Variants in THADA observed in about 807,000 individuals in gnomAD.
THADA encodes the protein THADA armadillo repeat containing.
A neutral mutation model predicts 219.8 loss-of-function variants in THADA; 213 were observed. That is an observed-to-expected ratio of 0.97 (90% CI 0.87 to 1.09). The LOEUF is 1.09. Ranked by LOEUF, THADA falls within the 50% of genes least tolerant of loss-of-function variation. THADA has a pLI of 0.00. For synonymous variants in THADA, 1,018 were observed against 828.9 expected, an observed-to-expected ratio of 1.23 and a Z score of -3.92; for missense variants, 2,956 against 2,311.3, an observed-to-expected ratio of 1.28 and a Z score of -5.72.
intron 25 of THADA, among the ~76,000 whole-genome samples, chr2:43,493,356 G>C (rs1042830752): frequency 2.6e-5 from 4 of 152,080 alleles, no homozygotes; most frequent in Non-Finnish European, 5.9e-5. Flanking sequence ...TTAGCTGGGC[G>C]TGGTAGCATG....
chr2:43,319,179 A>C (rs1338430679), intron 31 of THADA, among the ~76,000 whole-genome samples: 1 of 152,102 alleles, frequency 6.6e-6, no homozygotes, highest in Non-Finnish European at 1.5e-5. Flanking sequence ...TAAACTTTAG[A>C]CTCCAGTTGA....
chr2:43,533,769 T>A (rs992797284), intron 21 of THADA, among the ~76,000 whole-genome samples: 1 of 152,032 alleles, frequency 6.6e-6, no homozygotes. Flanking sequence ...AGGGAGAGCA[T>A]TAGGACAAAT....
chr2:43,250,611 T>C (rs1669716221), intron 36 of THADA, among the ~76,000 whole-genome samples: 1 of 152,108 alleles, frequency 6.6e-6, no homozygotes, highest in East Asian at 1.9e-4. Flanking sequence ...ACACCCGTAA[T>C]CCCAAAACTT....
intron 36 of THADA, among the ~76,000 whole-genome samples, chr2:43,258,251 G>A (rs1670544759): frequency 6.6e-6 from 1 of 152,192 alleles, no homozygotes; most frequent in Non-Finnish European, 1.5e-5. Context: ...GGCCAGGTGC[G>A]GTGGCTCATG....
chr2:43,359,603 C>T (rs569041707), intron 29 of THADA, among the ~76,000 whole-genome samples: 1 of 152,312 alleles, frequency 6.6e-6, no homozygotes, highest in East Asian at 1.9e-4. Context: ...TTGCTTGAAC[C>T]TGGGAGGCGG....
At chr2:43,470,806 C>G (rs1237700959) in intron 26 of THADA, among the ~76,000 whole-genome samples, 1 of 152,178 alleles carries the variant, frequency 6.6e-6, no homozygotes, top group African/African-American at 2.4e-5. Context: ...TCCATTCATC[C>G]ACCTGGCTTT....
chr2:43,441,551 A>G (rs1680845556), intron 26 of THADA, among the ~76,000 whole-genome samples: 1 of 152,224 alleles, frequency 6.6e-6, no homozygotes, highest in African/African-American at 2.4e-5. Flanking sequence ...TCTCAACTAC[A>G]CTAAAAGGTC....
Position 43,514,710 on chromosome 2 carries a change from A to G in THADA, c.3375-5930T>C, listed in dbSNP as rs1237377925. On this transcript the variant is annotated intron_variant, in intron 22 of 37. Coordinates refer to ENST00000405975, the MANE Select transcript of THADA (RefSeq NM_022065.5). Reference sequence around the variant, plus strand: ...TATATATAATATATATAATATATATATAAATATATATTATATATAATATGT... The same window carrying G: ...TATATATAATATATATAATATATATGTAAATATATATTATATATAATATGT... Among the ~76,000 whole-genome samples the G allele has an allele frequency of 1.3e-3, 94 of 73,092 alleles. 17 individuals are homozygous for G. Among genetic ancestry groups the G allele is most frequent in the African/African-American group, 1.9e-3 (29 of 14,962 alleles). 48.0% of individuals were successfully genotyped at this position (73,092 alleles called of 152,430 possible).
At chr2:43,322,712 GTC>G (rs1458311993) in intron 30 of THADA, among the ~76,000 whole-genome samples, 1 of 101,638 alleles carries the variant, frequency 9.8e-6, no homozygotes. Context: ...TTGAGACGGA[GTC>G]TCTCTCTGTC....
rs1699662610 is a variant in THADA, at chr2:43,574,674, C to A, written c.1391G>T (p.Cys464Phe). The A allele has an allele frequency of 1.9e-6, 3 of 1,614,024 alleles. No homozygotes were observed. Among genetic ancestry groups the A allele is most frequent in the Non-Finnish European group, 2.5e-6 (3 of 1,179,892 alleles). Residue 464 changes from cysteine (C) to phenylalanine (F), a missense_variant, in exon 11 of 38, where the codon TGC (cysteine) becomes TTC (phenylalanine). Physicochemically the swap from Cys to Phe is radical, Grantham distance 205. Coordinates refer to ENST00000405975, the MANE Select transcript of THADA (RefSeq NM_022065.5). The part of the protein sequence containing the change: ...KYTCLGCLVE[C>F]IGVEHILAID... ...AGCCAAAATATGTTCAACTCCTATG[C>A]ACTCTACCAAACAACCAAGGCACGT...
chr2:43,478,114 G>A (rs1685756622), intron 26 of THADA, among the ~76,000 whole-genome samples: 1 of 152,116 alleles, frequency 6.6e-6, no homozygotes, highest in African/African-American at 2.4e-5. Flanking sequence ...TAAACTCCTT[G>A]AAATCTCAGA....
At chr2:43,246,875 A>G (rs1031587405) in intron 36 of THADA, among the ~76,000 whole-genome samples, 3 of 152,204 alleles carry the variant, frequency 2.0e-5, no homozygotes, top group Non-Finnish European at 2.9e-5. Context: ...CCCTAGGCTG[A>G]CGCTGAGTGT....
chr2:43,344,382 G>T (rs917080015), intron 29 of THADA, 145 bp from the exon 30 acceptor site: 23 of 594,790 alleles, frequency 3.9e-5, no homozygotes, highest in African/African-American at 3.5e-4. Context: ...TTGCAGAAAG[G>T]CATGTTGGTT....
intron 30 of THADA, chr2:43,333,165 T>G (rs1665985495): frequency 1.3e-5 from 2 of 152,264 alleles, no homozygotes; most frequent in Admixed American, 1.3e-4. Context: ...CTTGTCCCAC[T>G]GGCTTGGGTT....
At chr2:43,447,308 C>T (rs1681705592) in intron 26 of THADA, among the ~76,000 whole-genome samples, 1 of 152,060 alleles carries the variant, frequency 6.6e-6, no homozygotes. Context: ...CCATATCAAA[C>T]CATATCTATA....
At position 43,293,189 on chromosome 2, in the gene THADA, T is replaced by C. The variant is rs768344582; in HGVS notation, c.4463A>G (p.Glu1488Gly). Residue 1488 changes from glutamate (E) to glycine (G), a missense_variant, in exon 32 of 38, where the codon GAG becomes GGG. Transcript: ENST00000405975. ...TCCTGAGATAATCCCTCTGACTTCC[T>C]CCCAGAAGCCAAGACTCTCCAGAAC... ...QPVLESLGFW[E>G]EVRGIISGSE... 6.2e-7 allele frequency: 1 copy of C among 1,611,988 alleles called. No individual in the cohort carries two copies. Among genetic ancestry groups the C allele is most frequent in the East Asian group, 2.2e-5 (1 of 44,822 alleles).
intron 21 of THADA, among the ~76,000 whole-genome samples, chr2:43,537,947 A>C (rs1244219252): frequency 6.6e-6 from 1 of 152,018 alleles, no homozygotes; most frequent in Non-Finnish European, 1.5e-5. Flanking sequence ...CTCAAAAAAA[A>C]AAAAAAAAAC....
At chr2:43,412,806 T>C (rs2104764554) in intron 28 of THADA, among the ~76,000 whole-genome samples, 1 of 152,326 alleles carries the variant, frequency 6.6e-6, no homozygotes, top group African/African-American at 2.4e-5. Context: ...AGGTCAGGGC[T>C]TGTTTTTACT....
intron 30 of THADA, among the ~76,000 whole-genome samples, chr2:43,342,341 T>C (rs950650077): frequency 1.3e-5 from 2 of 152,250 alleles, no homozygotes; most frequent in Non-Finnish European, 2.9e-5. Flanking sequence ...GAGACAATAA[T>C]TGAGATACAC....
Sources: gnomAD v4.1 joint callset for allele counts (sites outside exome capture counted in the v4.1 genomes callset) on GRCh38, gnomAD v4.1.1 for gene constraint, MANE v1.5 for transcripts, NCBI Gene and HGNC (gene_info 2026-07-23, HGNC 2026-07-21) for gene names.